TULP4: variants seen among roughly 807,000 people sequenced by gnomAD.
TULP4 encodes TUB like protein 4.
Under a neutral mutation model 129.0 loss-of-function variants are expected in TULP4, and 16 were observed. The observed-to-expected ratio is 0.12, with a 90% CI of 0.08 to 0.19. The LOEUF (loss-of-function observed/expected upper bound fraction) is 0.19. Among genes scored for constraint, TULP4 ranks in the 10% least tolerant of loss-of-function variants. The pLI is 1.00. For missense variants in TULP4, 1,842 were observed against 2,059.1 expected, an observed-to-expected ratio of 0.89 and a Z score of 2.04; for synonymous variants, 998 against 854.0, an observed-to-expected ratio of 1.17 and a Z score of -2.94.
intron 1 of TULP4, among the ~76,000 whole-genome samples, chr6:158,411,192 A>G (rs1441817449): frequency 6.6e-6 from 1 of 152,118 alleles, no homozygotes; most frequent in African/African-American, 2.4e-5. Flanking sequence ...TAGTTCAAAG[A>G]TATAAGTTAA....
chr6:158,415,881 A>C (rs341153), intron 2 of TULP4, among the ~76,000 whole-genome samples: 36,598 of 152,002 alleles, frequency 0.24, 5,669 homozygotes, highest in Non-Finnish European at 0.35. Context: ...ACGAGGTAAA[A>C]TCCCATGATA....
intron 1 of TULP4, among the ~76,000 whole-genome samples, chr6:158,241,492 C>T (rs548956898): frequency 1.3e-5 from 2 of 151,962 alleles, no homozygotes; most frequent in South Asian, 2.1e-4. Context: ...TCTGCAATCC[C>T]GGCACCTCGG....
intron 1 of TULP4, among the ~76,000 whole-genome samples, chr6:158,239,919 G>A (rs1293311630): frequency 1.1e-3 from 72 of 64,266 alleles, no homozygotes; most frequent in African/African-American, 3.5e-3. Flanking sequence ...CCTCCCGGAC[G>A]GGGCGGCTGG....
intron 1 of TULP4, among the ~76,000 whole-genome samples, chr6:158,287,544 G>A (rs1030949904): frequency 6.6e-6 from 1 of 152,124 alleles, no homozygotes; most frequent in African/African-American, 2.4e-5. Flanking sequence ...AAGTTAGCAC[G>A]GATGATAAGG....
chr6:158,340,831 A>G (rs1316725998), intron 1 of TULP4, among the ~76,000 whole-genome samples: 1 of 152,150 alleles, frequency 6.6e-6, no homozygotes, highest in Admixed American at 6.5e-5. Context: ...TTGCATCTCT[A>G]GTTTAACAAC....
At chr6:158,485,592 C>T (rs891896695) in intron 8 of TULP4, among the ~76,000 whole-genome samples, 4 of 152,222 alleles carry the variant, frequency 2.6e-5, no homozygotes, top group African/African-American at 9.6e-5. Flanking sequence ...GAAAGTGATT[C>T]AGAGATCATT....
chr6:158,348,321 C>T (rs1411348253), intron 1 of TULP4, among the ~76,000 whole-genome samples: 2 of 151,850 alleles, frequency 1.3e-5, no homozygotes, highest in East Asian at 1.9e-4. Context: ...GAGGTCCCTG[C>T]GGCCTTCCAC....
Position 158,503,475 on chromosome 6 carries a change from C to G in TULP4, c.3812C>G (p.Pro1271Arg). ...HPWSSYSACP[P>R]MQNPQGTLPP... ...TGGAGTTCCTACAGCGCCTGCCCGC[C>G]CATGCAGAACCCCCAGGGCACTCTC... The change falls in exon 13 of 14, where the codon CCC becomes CGC. Residue 1271 changes from proline to arginine, a missense_variant. Physicochemically the swap from Pro to Arg is moderately radical, Grantham distance 103. Transcript: ENST00000367097. The surrounding 1 kb of genome is among the most constrained non-coding windows in gnomAD (Gnocchi z 4.3). The G allele has an allele frequency of 6.2e-7, 1 of 1,614,000 alleles. No homozygotes were observed. Among genetic ancestry groups the G allele is most frequent in the Non-Finnish European group, 8.5e-7 (1 of 1,180,012 alleles).
At chr6:158,455,862 C>G (rs887787949) in intron 5 of TULP4, among the ~76,000 whole-genome samples, 17 of 152,264 alleles carry the variant, frequency 1.1e-4, no homozygotes, top group African/African-American at 3.4e-4. Context: ...GAAAAAGCTT[C>G]CCTTCTGTCC....
At chr6:158,472,672 A>G (rs1239471778) in intron 6 of TULP4, among the ~76,000 whole-genome samples, 1 of 152,236 alleles carries the variant, frequency 6.6e-6, no homozygotes. Flanking sequence ...ACTAAATGCA[A>G]TTTAGATTGG....
At chr6:158,394,326 A>G (rs1178545764) in intron 1 of TULP4, among the ~76,000 whole-genome samples, 4 of 152,104 alleles carry the variant, frequency 2.6e-5, no homozygotes, top group Non-Finnish European at 5.9e-5. Flanking sequence ...GGAAGTTCCA[A>G]ACTTTCCCAC....
intron 3 of TULP4, among the ~76,000 whole-genome samples, chr6:158,434,573 G>A (rs1221697235): frequency 6.6e-6 from 1 of 152,312 alleles, no homozygotes; most frequent in Non-Finnish European, 1.5e-5. Context: ...CTTGGGTTTA[G>A]GAGAATACCT....
At chr6:158,340,620 C>G (rs1207737491) in intron 1 of TULP4, among the ~76,000 whole-genome samples, 2 of 152,178 alleles carry the variant, frequency 1.3e-5, no homozygotes, top group Admixed American at 6.5e-5. Context: ...TCCTGGAGTT[C>G]CCTCCTCAAG....
intron 13 of TULP4, among the ~76,000 whole-genome samples, chr6:158,505,558 A>G (rs1026012345): frequency 6.6e-6 from 1 of 152,270 alleles, no homozygotes; most frequent in African/African-American, 2.4e-5. Context: ...CTATAGTGCT[A>G]GGATCAGGGC....
chr6:158,508,505 C>G lies in TULP4; in HGVS notation c.*1811C>G, dbSNP rs1780654339. ...GGCAAAGGATATTTCCCATCTAATA[C>G]CAGTTTCTCATTTATATTTAACGTA... On this transcript the variant is annotated 3_prime_UTR_variant, in exon 14 of 14. Transcript: ENST00000367097. 1 of 152,358 alleles carries G rather than the reference C, an allele frequency of 6.6e-6. No homozygotes were observed. The highest frequency in any genetic ancestry group is 1.5e-5 in the Non-Finnish European group (1 of 67,982). 9.4% of individuals were successfully genotyped at this position (152,358 alleles called of 1,614,324 possible).
chr6:158,261,405 T>A (rs1778349841), intron 1 of TULP4, among the ~76,000 whole-genome samples: 1 of 152,220 alleles, frequency 6.6e-6, no homozygotes, highest in East Asian at 1.9e-4. Context: ...CTTTCAGCCA[T>A]CACGCTCTAG....
At chr6:158,459,202 G>A (rs967683970) in intron 5 of TULP4, among the ~76,000 whole-genome samples, 2 of 152,108 alleles carry the variant, frequency 1.3e-5, no homozygotes, top group East Asian at 1.9e-4. Context: ...AGGCCGAGGC[G>A]GGTGGATCAC....
At chr6:158,253,379 G>A (rs1040627162) in intron 1 of TULP4, among the ~76,000 whole-genome samples, 1 of 151,944 alleles carries the variant, frequency 6.6e-6, no homozygotes, top group Non-Finnish European at 1.5e-5. Context: ...GAAAATCTCT[G>A]TGGCCTGCTC....
rs5881254 is a variant in TULP4, at chr6:158,342,947, ATGTGTGTGTGTGTGTGTGTGTG to A, written c.252+28697_252+28718del. ...TAGTGAACGATGAGATTAAAAATAA[ATGTGTGTGTGTGTGTGTGTGTG>A]TGTGTGTGTGTGTGTGTAGGCACTG... On this transcript the variant is annotated intron_variant, in intron 1 of 13. Transcript: ENST00000367097. 5.1e-4 allele frequency among the ~76,000 whole-genome samples: 75 copies of A among 147,520 alleles called. 1 individual carries two copies. Among genetic ancestry groups the A allele is most frequent in the Non-Finnish European group, 1.2e-4 (8 of 67,116 alleles).
Sources: allele counts gnomAD v4.1 joint callset (sites outside exome capture counted in the v4.1 genomes callset), GRCh38; gene constraint gnomAD v4.1.1; non-coding constraint Gnocchi (gnomAD v3.1); transcripts MANE v1.5; gene names NCBI Gene and HGNC (gene_info 2026-07-23, HGNC 2026-07-21).